DNAJC6: variants seen among roughly 807,000 people sequenced by gnomAD.
The protein encoded by DNAJC6 is auxilin.
DNAJC6 carries 34 observed loss-of-function variants against 110.0 expected under a neutral mutation model. The ratio of observed to expected loss-of-function variants is 0.31; its 90% confidence interval spans 0.24 to 0.41. The LOEUF is 0.41. Among genes scored for constraint, DNAJC6 ranks in the 10% least tolerant of loss-of-function variants. The probability of loss-of-function intolerance (pLI) is 1.00; values close to 1 mark genes in which losing one functional copy is unlikely to be tolerated. For missense variants in DNAJC6, 1,031 were observed against 1,207.8 expected (o/e 0.85, Z 2.17); for synonymous variants, 406 against 437.2 (o/e 0.93, Z 0.89).
At chr1:65,293,033 C>G (rs1644894845) in intron 1 of DNAJC6, among the ~76,000 whole-genome samples, 1 of 152,184 alleles carries the variant, frequency 6.6e-6, no homozygotes, top group Non-Finnish European at 1.5e-5. Flanking sequence ...AGAGAGCAAG[C>G]AGAAATCCAC....
chr1:65,267,550 C>T (rs958882705), intron 1 of DNAJC6, among the ~76,000 whole-genome samples: 2 of 151,638 alleles, frequency 1.3e-5, no homozygotes, highest in African/African-American at 4.8e-5. Context: ...CGTATTCTGA[C>T]ATCACATCGG....
At chr1:65,384,749 A>T (rs1221040305) in intron 6 of DNAJC6, among the ~76,000 whole-genome samples, 1 of 152,114 alleles carries the variant, frequency 6.6e-6, no homozygotes, top group African/African-American at 2.4e-5. Flanking sequence ...GGATTATGGG[A>T]GCTACAATTC....
At position 65,365,081 on chromosome 1, in the gene DNAJC6, CA is replaced by C. The variant is rs142743628; in HGVS notation, c.344+297del. On this transcript the variant is annotated intron_variant, in intron 2 of 18. Transcript: ENST00000371069. ...TCTGCCCTTGTTAACTAAGAGCCCT[CA>C]GGCAAGTTAATTAACCTCTCAGAGC... Among the ~76,000 whole-genome samples the C allele has an allele frequency of 6.7e-3, 1,024 of 152,286 alleles. 14 individuals carry two copies. The highest frequency in any genetic ancestry group is 0.024 in the African/African-American group (980 of 41,562).
rs1245341570 is a variant in DNAJC6 at position 65,408,721 on chromosome 1, C to T, written c.2572C>T (p.Arg858Trp). ...FNAHKDKKGPRTIAEMRKEEM... is the reference protein window; with the variant it reads ...FNAHKDKKGPWTIAEMRKEEM... ...TGCTCACAAAGACAAAAAGGGGCCT[C>T]GGACAATAGCTGAGATGAGAAAGGA... The change falls in exon 17 of 19, where the codon CGG becomes TGG. Residue 858 changes from arginine (R) to tryptophan (W), a missense_variant. Arg to Trp is a moderately radical substitution (Grantham distance 101). Transcript: ENST00000371069. The T allele has an allele frequency of 3.1e-6, 5 of 1,613,860 alleles. No homozygotes were observed. Among genetic ancestry groups the T allele is most frequent in the African/African-American group, 2.7e-5 (2 of 74,860 alleles).
At position 65,415,420 on chromosome 1, in the gene DNAJC6, C is replaced by G. The variant is rs1351601395; in HGVS notation, c.*2395C>G. The stretch of plus-strand genomic sequence containing the variant: ...ACCAAAATGTAATCTGACAGGATTT[C>G]TGGATTTATACGTAATCACTCCTGC... On this transcript the variant is annotated 3_prime_UTR_variant, in exon 19 of 19. Transcript: ENST00000371069. The G allele has an allele frequency of 6.7e-6, 1 of 150,152 alleles. No individual in the cohort carries two copies. The highest frequency in any genetic ancestry group is 2.0e-4 in the East Asian group (1 of 5,092). 9.3% of individuals were successfully genotyped at this position (150,152 alleles called of 1,614,324 possible). A position where few individuals can be genotyped will look rare whatever the true frequency, so the allele number is the denominator to read the frequency against.
Position 65,315,771 on chromosome 1 carries a change from G to A in DNAJC6, c.193+5833G>A, listed in dbSNP as rs188923867. 1.5e-3 allele frequency among the ~76,000 whole-genome samples: 231 copies of A among 152,208 alleles called. 4 individuals are homozygous for A. The Middle Eastern group carries it at 0.031, about 20-fold the overall frequency. ...GCACAGAGAGGTTAAGTTGCGTGAGGTTACACAGGCTCTACTTATTCTATA... is the reference window on the plus strand; with the variant it reads ...GCACAGAGAGGTTAAGTTGCGTGAGATTACACAGGCTCTACTTATTCTATA... On this transcript the variant is annotated intron_variant, in intron 1 of 18. Transcript: ENST00000371069.
intron 1 of DNAJC6, among the ~76,000 whole-genome samples, chr1:65,269,299 C>G (rs944024406): frequency 6.7e-6 from 1 of 150,186 alleles, no homozygotes; most frequent in African/African-American, 2.5e-5. Flanking sequence ...ACCTGGGAGG[C>G]GGAGGTTTCA....
chr1:65,343,398 G>T (rs944881471), intron 1 of DNAJC6, among the ~76,000 whole-genome samples: 2 of 152,172 alleles, frequency 1.3e-5, no homozygotes, highest in Non-Finnish European at 2.9e-5. Flanking sequence ...GCTGCCAACT[G>T]CAGTCTGAAA....
Sources: allele counts gnomAD v4.1 joint callset (sites outside exome capture counted in the v4.1 genomes callset), GRCh38; gene constraint gnomAD v4.1.1; transcripts MANE v1.5; gene names NCBI Gene and HGNC (gene_info 2026-07-23, HGNC 2026-07-21).